KDELR2: variants seen among roughly 807,000 people sequenced by gnomAD.
The protein encoded by KDELR2 is ER lumen protein-retaining receptor 2.
In KDELR2, 15 loss-of-function variants were observed where a neutral mutation model predicts 23.9. The ratio of observed to expected loss-of-function variants is 0.63; its 90% confidence interval spans 0.42 to 0.97. The LOEUF is 0.97. KDELR2 is among the 50% of genes least tolerant of loss of function. KDELR2 has a pLI of 0.00. For missense variants in KDELR2, 272 were observed against 254.6 expected (o/e 1.07, Z -0.46); for synonymous variants, 119 against 106.2 (o/e 1.12, Z -0.74).
At position 6,484,082 on chromosome 7, in the gene KDELR2, C is replaced by G; in HGVS notation, c.-25G>C. ...TGGCGGCGGCGGCGGTGGCGGTCGG[C>G]GCAGCGCGGCGGCCCCGGGGCTGGG... On this transcript the variant is annotated 5_prime_UTR_variant, in exon 1 of 5. Coordinates refer to ENST00000258739, the MANE Select transcript of KDELR2 (RefSeq NM_006854.4). The G allele has an allele frequency of 7.0e-7, 1 of 1,438,826 alleles. No individual in the cohort carries two copies. The highest frequency in any genetic ancestry group is 9.2e-7 in the Non-Finnish European group (1 of 1,086,606). The allele number at this position is 1,438,826 out of a possible 1,614,324, so 89.1% of individuals were successfully genotyped here.
intron 1 of KDELR2, among the ~76,000 whole-genome samples, chr7:6,483,513 C>A (rs1323279649): frequency 6.6e-6 from 1 of 152,184 alleles, no homozygotes; most frequent in Non-Finnish European, 1.5e-5. Flanking sequence ...TGGGCTGCCA[C>A]GTCAGGCGCA....
rs2115319024 is a variant in KDELR2 at position 6,461,894 on chromosome 7, A to G, written c.*1247T>C. 1 of 152,332 alleles carries G rather than the reference A, an allele frequency of 6.6e-6. No homozygotes were observed. The highest frequency in any genetic ancestry group is 6.5e-5 in the Admixed American group (1 of 15,284). The allele number at this position is 152,332 out of a possible 1,614,324, so 9.4% of individuals were successfully genotyped here. Reference sequence around the variant, plus strand: ...AAATTCTAGTATTTCCACAAAATACATAATGTCTTACAGATGATTATGTGA... The same window carrying G: ...AAATTCTAGTATTTCCACAAAATACGTAATGTCTTACAGATGATTATGTGA... On this transcript the variant is annotated 3_prime_UTR_variant, in exon 5 of 5. Coordinates refer to ENST00000258739, the MANE Select transcript of KDELR2 (RefSeq NM_006854.4).
chr7:6,474,922 G>C (rs1785723291), intron 1 of KDELR2, among the ~76,000 whole-genome samples: 1 of 152,204 alleles, frequency 6.6e-6, no homozygotes, highest in Admixed American at 6.5e-5. Context: ...ACAGGTATGA[G>C]CCATGTCGCC....
chr7:6,466,269 A>T lies in KDELR2; in HGVS notation c.406T>A (p.Phe136Ile). Reference protein sequence around the residue: ...LESVAILPQLFMISKTGEAET... With the variant: ...LESVAILPQLIMISKTGEAET... ...GCCTCCCCAGTCTTGCTGATCATAA[A>T]TAGCTGCGGAAGGATAGCCACGGAC... Residue 136 changes from phenylalanine (F) to isoleucine (I), a missense_variant, in exon 4 of 5, where the codon TTT becomes ATT. Physicochemically the swap from Phe to Ile is conservative, Grantham distance 21. Transcript: ENST00000258739. The T allele has an allele frequency of 6.2e-7, 1 of 1,614,098 alleles. No homozygotes were observed. Among genetic ancestry groups the T allele is most frequent in the Non-Finnish European group, 8.5e-7 (1 of 1,179,982 alleles).
rs1279098517 is a variant in KDELR2, at chr7:6,461,591, G to C, written c.*1550C>G. ...CAAAACATAAGACAAGGAGGGAAGA[G>C]TAAAATGAGGGAGACAGACAGGAAG... On this transcript the variant is annotated 3_prime_UTR_variant, in exon 5 of 5. Transcript: ENST00000258739. 1 of 151,686 alleles carries C rather than the reference G, an allele frequency of 6.6e-6. No individual in the cohort carries two copies. The highest frequency in any genetic ancestry group is 2.4e-5 in the African/African-American group (1 of 41,260). The allele number at this position is 151,686 out of a possible 1,614,324, so 9.4% of individuals were successfully genotyped here. A position where few individuals can be genotyped will look rare whatever the true frequency, so the allele number is the denominator to read the frequency against.
chr7:6,469,004 T>A (rs1005586969), intron 3 of KDELR2, among the ~76,000 whole-genome samples: 1 of 149,998 alleles, frequency 6.7e-6, no homozygotes, highest in Non-Finnish European at 1.5e-5. Context: ...CAGGCTGGAG[T>A]GTAGTGGCAC....
At position 6,484,150 on chromosome 7, in the gene KDELR2, G is replaced by C. The variant is rs905684488; in HGVS notation, c.-93C>G. On this transcript the variant is annotated 5_prime_UTR_variant, in exon 1 of 5. Coordinates refer to ENST00000258739, the MANE Select transcript of KDELR2 (RefSeq NM_006854.4). ...GCCCCTGAGAGGAAGCGGCGAAGAT[G>C]GCGAGATCGCCCGCGACGTGGCCAG... The C allele has an allele frequency of 5.8e-6, 6 of 1,039,522 alleles. No homozygotes were observed. The highest frequency in any genetic ancestry group is 7.4e-6 in the Non-Finnish European group (6 of 814,372). The allele number at this position is 1,039,522 out of a possible 1,614,324, so 64.4% of individuals were successfully genotyped here.
At chr7:6,480,177 GATACACACTACTGATAACTAGCTACAGTA>G (rs1785859076) in intron 1 of KDELR2, among the ~76,000 whole-genome samples, 1 of 152,154 alleles carries the variant, frequency 6.6e-6, no homozygotes, top group African/African-American at 2.4e-5. Context: ...AGCTACAGTA[GATACACACTACTGATAACTAGCTACAGTA>G]ATACACACTA....
At chr7:6,480,691 T>G (rs1472067901) in intron 1 of KDELR2, among the ~76,000 whole-genome samples, 1 of 152,206 alleles carries the variant, frequency 6.6e-6, no homozygotes, top group Non-Finnish European at 1.5e-5. Context: ...GTATGAGTAT[T>G]TTCAAAATGA....
chr7:6,469,645 G>A lies in KDELR2; in HGVS notation c.302C>T (p.Pro101Leu), dbSNP rs773078213. Residue 101 changes from proline to leucine, a missense_variant, in exon 3 of 5, where the codon CCT becomes CTT. Physicochemically the swap from Pro to Leu is moderately conservative, Grantham distance 98. Transcript: ENST00000258739. ...AACTAAAAATGAGAGGCCTCCCACA[G>A]GGACCACCAGAAACTCCACTCGGAA... ...DTFRVEFLVV[P>L]VGGLSFLVNH... 5.0e-6 allele frequency: 8 copies of A among 1,614,100 alleles called. No individual in the cohort carries two copies. The highest frequency in any genetic ancestry group is 1.7e-5 in the Admixed American group (1 of 59,996).
At chr7:6,475,770 T>A (rs1029843007) in intron 1 of KDELR2, among the ~76,000 whole-genome samples, 1 of 152,236 alleles carries the variant, frequency 6.6e-6, no homozygotes, top group African/African-American at 2.4e-5. Flanking sequence ...AACTGAAGGC[T>A]GACTAAATGT....
At chr7:6,473,642 T>C (rs1785697676) in intron 2 of KDELR2, among the ~76,000 whole-genome samples, 1 of 152,190 alleles carries the variant, frequency 6.6e-6, no homozygotes, top group Non-Finnish European at 1.5e-5. Flanking sequence ...TAAATGATGG[T>C]ATAGAGATCA....
In KDELR2 at chr7:6,475,214, G is replaced by A. The variant is rs192791302; in HGVS notation, c.92-930C>T. On this transcript the variant is annotated intron_variant, in intron 1 of 4. Coordinates refer to ENST00000258739, the MANE Select transcript of KDELR2 (RefSeq NM_006854.4). Reference sequence around the variant, plus strand: ...TCTCCACATATAGGGGGGCTAAGGCGGGAGAATCGCTTGAGCCCAGGAGTT... The same window carrying A: ...TCTCCACATATAGGGGGGCTAAGGCAGGAGAATCGCTTGAGCCCAGGAGTT... Among the ~76,000 whole-genome samples the A allele has an allele frequency of 2.9e-4, 44 of 152,248 alleles. No homozygotes were observed. The East Asian group carries it at 6.9e-3, about 24-fold the overall frequency.
chr7:6,482,832 C>CAAAAAAAAAAAAAA (rs10525658), intron 1 of KDELR2, among the ~76,000 whole-genome samples: 1 of 122,928 alleles, frequency 8.1e-6, no homozygotes, highest in Admixed American at 8.5e-5. Flanking sequence ...CAAAAAATAG[C>CAAAAAAAAAAAAAA]AAAAAAAAAA....
intron 1 of KDELR2, among the ~76,000 whole-genome samples, chr7:6,477,964 G>T (rs754567845): frequency 3.3e-5 from 5 of 152,006 alleles, no homozygotes; most frequent in Non-Finnish European, 7.4e-5. Flanking sequence ...CCCAAATAAT[G>T]CAAATTAAAA....
chr7:6,465,461 C>T (rs373424510), intron 4 of KDELR2, among the ~76,000 whole-genome samples: 30 of 146,100 alleles, frequency 2.1e-4, no homozygotes, highest in African/African-American at 6.2e-4. Flanking sequence ...CGATTACAGG[C>T]GTGAGCCACT....
chr7:6,474,341 GAT>G, intron 1 of KDELR2, 57 bp from the exon 2 acceptor site: 1 of 1,196,582 alleles, frequency 8.4e-7, no homozygotes, highest in Non-Finnish European at 1.2e-6. Flanking sequence ...GATTCCTGTG[GAT>G]CACACTGTGC....
At chr7:6,477,652 A>G (rs1785783272) in intron 1 of KDELR2, among the ~76,000 whole-genome samples, 1 of 152,184 alleles carries the variant, frequency 6.6e-6, no homozygotes, top group African/African-American at 2.4e-5. Flanking sequence ...GCCAGGTTAA[A>G]TGTCTTTTGT....
rs145214309 is a variant in KDELR2, at chr7:6,463,124, G to C, written c.*17C>G. 3.1e-6 allele frequency: 5 copies of C among 1,614,136 alleles called. No homozygotes were observed. Among genetic ancestry groups the C allele is most frequent in the Non-Finnish European group, 4.2e-6 (5 of 1,180,028 alleles). On this transcript the variant is annotated 3_prime_UTR_variant, in exon 5 of 5. Transcript: ENST00000258739. ...CGAGCACCCTGAAGGACAGATGCTG[G>C]TGATGGTCTTTGGCACTTATGCTGG...
Sources: gnomAD v4.1 joint callset for allele counts (sites outside exome capture counted in the v4.1 genomes callset) on GRCh38, gnomAD v4.1.1 for gene constraint, MANE v1.5 for transcripts, NCBI Gene and HGNC (gene_info 2026-07-23, HGNC 2026-07-21) for gene names.